Variants in GSK3B observed in about 807,000 individuals in gnomAD.
The protein encoded by GSK3B is glycogen synthase kinase 3 beta.
A neutral mutation model predicts 56.4 loss-of-function variants in GSK3B; 15 were observed. The ratio of observed to expected loss-of-function variants is 0.27; its 90% confidence interval spans 0.18 to 0.41. GSK3B has a LOEUF of 0.41. GSK3B is among the 10% of genes least tolerant of loss of function. GSK3B has a pLI of 1.00. For synonymous variants in GSK3B, 181 were observed against 188.9 expected (o/e 0.96, Z 0.34); for missense variants, 300 against 513.4 (o/e 0.58, Z 4.02).
At chr3:119,906,797 C>A (rs552536582) in intron 6 of GSK3B, among the ~76,000 whole-genome samples, 1 of 151,838 alleles carries the variant, frequency 6.6e-6, no homozygotes, top group African/African-American at 2.4e-5. Context: ...CCTACCAGTA[C>A]GGAAGGAGAA....
At chr3:120,026,679 T>G (rs920095755) in intron 1 of GSK3B, among the ~76,000 whole-genome samples, 15 of 151,190 alleles carry the variant, frequency 9.9e-5, no homozygotes, top group Admixed American at 8.5e-4. Flanking sequence ...TGCCTCAGCC[T>G]CTCAAGTAGC....
intron 6 of GSK3B, among the ~76,000 whole-genome samples, chr3:119,909,609 A>G (rs1234435156): frequency 6.6e-6 from 1 of 152,188 alleles, no homozygotes; most frequent in Non-Finnish European, 1.5e-5. Context: ...AGTTCCTTCT[A>G]TCACTAAACA....
intron 1 of GSK3B, among the ~76,000 whole-genome samples, chr3:120,021,934 T>C (rs1216145390): frequency 6.6e-6 from 1 of 152,206 alleles, no homozygotes; most frequent in Non-Finnish European, 1.5e-5. Context: ...GGGTGCTGGC[T>C]ACTGTAGTCC....
chr3:119,961,585 G>T (rs1220560960), intron 2 of GSK3B, among the ~76,000 whole-genome samples: 2 of 149,286 alleles, frequency 1.3e-5, no homozygotes, highest in African/African-American at 4.9e-5. Flanking sequence ...CTGAGATTGG[G>T]CCACTGCACT....
intron 2 of GSK3B, among the ~76,000 whole-genome samples, chr3:119,968,705 C>T (rs2107513055): frequency 6.6e-6 from 1 of 151,290 alleles, no homozygotes; most frequent in South Asian, 2.1e-4. Context: ...ATGCAATATG[C>T]CAAAAAAAAA....
intron 8 of GSK3B, among the ~76,000 whole-genome samples, chr3:119,868,659 G>A (rs1300451167): frequency 1.3e-5 from 2 of 152,232 alleles, no homozygotes; most frequent in African/African-American, 4.8e-5. Context: ...GCTGTTGGCA[G>A]TGATAATTAA....
chr3:119,889,827 T>G (rs1347105966), intron 7 of GSK3B, among the ~76,000 whole-genome samples: 1 of 150,660 alleles, frequency 6.6e-6, no homozygotes, highest in Non-Finnish European at 1.5e-5. Flanking sequence ...ACACATAGAG[T>G]AAAAGTAAAA....
At chr3:120,058,308 G>A (rs1449212043) in intron 1 of GSK3B, among the ~76,000 whole-genome samples, 1 of 151,924 alleles carries the variant, frequency 6.6e-6, no homozygotes, top group African/African-American at 2.4e-5. Flanking sequence ...TACCATTTCA[G>A]TAATCAATGT....
chr3:119,827,308 C>T (rs1223794902), intron 10 of GSK3B, among the ~76,000 whole-genome samples: 1 of 152,012 alleles, frequency 6.6e-6, no homozygotes, highest in East Asian at 1.9e-4. Flanking sequence ...TGTTGATGGG[C>T]AGAACAGACC....
At chr3:119,875,279 A>G (rs573222772) in intron 8 of GSK3B, among the ~76,000 whole-genome samples, 2 of 152,156 alleles carry the variant, frequency 1.3e-5, no homozygotes, top group South Asian at 4.2e-4. Flanking sequence ...GAATCATAAT[A>G]TATCTGATTA....
At chr3:119,858,823 T>C (rs539215021) in intron 9 of GSK3B, among the ~76,000 whole-genome samples, 1 of 152,272 alleles carries the variant, frequency 6.6e-6, no homozygotes, top group African/African-American at 2.4e-5. Context: ...CTTGTAGGGT[T>C]ATTAAATGGC....
intron 1 of GSK3B, among the ~76,000 whole-genome samples, chr3:120,091,917 T>G (rs759962657): frequency 2.6e-5 from 4 of 152,168 alleles, no homozygotes; most frequent in Non-Finnish European, 4.4e-5. Flanking sequence ...CAACATGAAT[T>G]GAAATCTTGA....
chr3:119,878,656 A>G (rs1003428973), intron 7 of GSK3B, among the ~76,000 whole-genome samples: 9 of 152,246 alleles, frequency 5.9e-5, no homozygotes, highest in African/African-American at 2.2e-4. Context: ...AGACTTGTAT[A>G]CAAATATGCA....
At chr3:119,977,785 T>A (rs76067602) in intron 2 of GSK3B, among the ~76,000 whole-genome samples, 16,005 of 152,038 alleles carry the variant, frequency 0.11, 955 homozygotes, top group African/African-American at 0.17. Context: ...GGGGAAAAAA[T>A]TTGACGTATA....
intron 10 of GSK3B, among the ~76,000 whole-genome samples, chr3:119,835,664 C>T (rs995059214): frequency 2.6e-5 from 4 of 151,922 alleles, no homozygotes; most frequent in African/African-American, 9.7e-5. Flanking sequence ...ACAAAAATGC[C>T]TGCTTTTTTG....
intron 10 of GSK3B, among the ~76,000 whole-genome samples, chr3:119,841,969 G>T (rs2055777606): frequency 6.6e-6 from 1 of 152,072 alleles, no homozygotes; most frequent in Non-Finnish European, 1.5e-5. Flanking sequence ...AGTAATGAAA[G>T]ATTTTATCTC....
chr3:119,968,910 C>G (rs74411296), intron 2 of GSK3B, among the ~76,000 whole-genome samples: 1 of 152,142 alleles, frequency 6.6e-6, no homozygotes, highest in Admixed American at 6.5e-5. Context: ...TCTCATATAT[C>G]AGGAACAATT....
intron 4 of GSK3B, among the ~76,000 whole-genome samples, chr3:119,922,997 T>C (rs770331381): frequency 9.2e-5 from 14 of 152,178 alleles, no homozygotes; most frequent in Non-Finnish European, 1.8e-4. Flanking sequence ...TGTGAACAAA[T>C]GAATTTGAAC....
chr3:120,048,963 C>T (rs1163665341), intron 1 of GSK3B, among the ~76,000 whole-genome samples: 1 of 152,096 alleles, frequency 6.6e-6, no homozygotes, highest in African/African-American at 2.4e-5. Flanking sequence ...TTCCCAAGTA[C>T]AGAAAAGGGA....
Sources: allele counts gnomAD v4.1 joint callset (sites outside exome capture counted in the v4.1 genomes callset), GRCh38; gene constraint gnomAD v4.1.1; transcripts MANE v1.5; gene names NCBI Gene and HGNC (gene_info 2026-07-23, HGNC 2026-07-21).